Variants in ARMC8 observed in about 807,000 individuals in gnomAD.
ARMC8 encodes armadillo repeat containing 8, also known as armadillo repeat-containing protein 8.
In ARMC8, 20 loss-of-function variants were observed where a neutral mutation model predicts 99.3. The observed-to-expected ratio is 0.20, with a 90% CI of 0.14 to 0.29. The LOEUF is 0.29. Ranked by LOEUF, ARMC8 falls within the 10% of genes least tolerant of loss-of-function variation. ARMC8 has a pLI of 1.00. For missense variants in ARMC8, 569 were observed against 809.5 expected, an observed-to-expected ratio of 0.70 and a Z score of 3.60; for synonymous variants, 263 against 278.3, an observed-to-expected ratio of 0.95 and a Z score of 0.55.
intron 12 of ARMC8, among the ~76,000 whole-genome samples, chr3:138,251,013 C>G (rs572048671): frequency 3.3e-5 from 5 of 151,838 alleles, no homozygotes; most frequent in Admixed American, 2.0e-4. Flanking sequence ...TATCCAGGCC[C>G]GGTGGCATGC....
At chr3:138,262,828 T>A (rs1167808901) in intron 12 of ARMC8, among the ~76,000 whole-genome samples, 1 of 152,192 alleles carries the variant, frequency 6.6e-6, no homozygotes, top group African/African-American at 2.4e-5. Context: ...ACAAGAGGAC[T>A]ACCTTAACCA....
chr3:138,298,059 AATGTATTTATTG>A lies in ARMC8; in HGVS notation c.*2169_*2180del, dbSNP rs948988964. On this transcript the variant is annotated 3_prime_UTR_variant, in exon 22 of 22. Transcript: ENST00000469044. Reference sequence around the variant, plus strand: ...AACTTTTCTGATTTGAATGAAGGGAAATGTATTTATTGAAACAAAGCTGTTTGCTGCTTTATG... The same window carrying A: ...AACTTTTCTGATTTGAATGAAGGGAAAAACAAAGCTGTTTGCTGCTTTATG... The A allele has an allele frequency of 6.6e-6, 1 of 152,244 alleles. No individual in the cohort carries two copies. The highest frequency in any genetic ancestry group is 2.4e-5 in the African/African-American group (1 of 41,452). The allele number at this position is 152,244 out of a possible 1,614,324, so 9.4% of individuals were successfully genotyped here. A position where few individuals can be genotyped will look rare whatever the true frequency, so the allele number is the denominator to read the frequency against.
intron 6 of ARMC8, among the ~76,000 whole-genome samples, chr3:138,230,223 A>G (rs1002981772): frequency 6.6e-6 from 1 of 152,216 alleles, no homozygotes; most frequent in African/African-American, 2.4e-5. Flanking sequence ...TAAGAAAATG[A>G]CAGTTTTGTT....
chr3:138,222,714 T>G (rs984123498), intron 3 of ARMC8, among the ~76,000 whole-genome samples: 1 of 152,236 alleles, frequency 6.6e-6, no homozygotes, highest in Non-Finnish European at 1.5e-5. Flanking sequence ...ACTATAAAGC[T>G]GTCAGCAGCC....
Position 138,187,813 on chromosome 3 carries a change from C to T in ARMC8, c.45+214C>T, listed in dbSNP as rs544858901. On this transcript the variant is annotated intron_variant, in intron 1 of 21. Coordinates refer to ENST00000469044, the MANE Select transcript of ARMC8 (RefSeq NM_001363941.2). ...AAGACGTTTCCAACTCCGGGAGCTC[C>T]CGCCGGTGCGGGTTCCCAGGATGGC... The T allele has an allele frequency of 1.3e-4, 76 of 564,342 alleles. 1 individual carries two copies. The East Asian group carries it at 2.3e-3, about 17-fold the overall frequency. The allele number at this position is 564,342 out of a possible 1,614,324, so 35.0% of individuals were successfully genotyped here.
intron 2 of ARMC8, among the ~76,000 whole-genome samples, chr3:138,219,798 C>CAGTT (rs1192270924): frequency 2.0e-5 from 3 of 152,128 alleles, no homozygotes; most frequent in Non-Finnish European, 4.4e-5. Flanking sequence ...CTGTTGCCAT[C>CAGTT]AGTTACCTCC....
At chr3:138,189,623 G>T (rs555807247) in intron 1 of ARMC8, among the ~76,000 whole-genome samples, 30 of 152,336 alleles carry the variant, frequency 2.0e-4, no homozygotes, top group African/African-American at 7.0e-4. Context: ...GGAGCTCATA[G>T]TCTGGGTGAC....
intron 12 of ARMC8, among the ~76,000 whole-genome samples, chr3:138,255,445 G>T (rs963282339): frequency 2.0e-5 from 3 of 151,860 alleles, no homozygotes; most frequent in Non-Finnish European, 4.4e-5. Flanking sequence ...CTTGTGATCC[G>T]CCCGCCTTGG....
At chr3:138,250,764 T>C (rs75162683) in intron 12 of ARMC8, among the ~76,000 whole-genome samples, 1 of 152,324 alleles carries the variant, frequency 6.6e-6, no homozygotes, top group South Asian at 2.1e-4. Flanking sequence ...TTTGAACCAA[T>C]GTAATTTTTT....
Position 138,221,505 on chromosome 3 carries a change from TAAA to T in ARMC8, c.123-413_123-411del, listed in dbSNP as rs993544128. ...TTGTAAGAAATAATATATAAAGAAG[TAAA>T]AAAAAAAGTGAACAAAGTGTGATCA... On this transcript the variant is annotated intron_variant, in intron 2 of 21. Coordinates refer to ENST00000469044, the MANE Select transcript of ARMC8 (RefSeq NM_001363941.2). Among the ~76,000 whole-genome samples, 3 of 148,974 alleles carry T rather than the reference TAAA, an allele frequency of 2.0e-5. No homozygotes were observed. The Admixed American group carries it at 2.0e-4, about 10-fold the overall frequency.
chr3:138,295,802 T>G, intron 21 of ARMC8, 57 bp from the exon 22 acceptor site: 2 of 1,592,384 alleles, frequency 1.3e-6, no homozygotes, highest in East Asian at 2.2e-5. Context: ...AACCATAGGG[T>G]TTTTTACCCC....
At position 138,221,953 on chromosome 3, in the gene ARMC8, C is replaced by T; in HGVS notation, c.150C>T (p.Asn50=). The change falls in exon 3 of 22, where the codon AAC becomes AAT. Residue 50 remains asparagine, a synonymous_variant. Coordinates refer to ENST00000469044, the MANE Select transcript of ARMC8 (RefSeq NM_001363941.2). ...ACATGAAAAATGCTGTAATTGGAAA[C>T]AACAAGCAGAAAGCCAATCTCATTG... ...VIDMKNAVIG[N]NKQKANLIVL... is the part of the protein sequence containing the mutation. 1 of 1,613,524 alleles carries T rather than the reference C, an allele frequency of 6.2e-7. No homozygotes were observed. Among genetic ancestry groups the T allele is most frequent in the South Asian group, 1.1e-5 (1 of 91,064 alleles).
At position 138,241,962 on chromosome 3, in the gene ARMC8, T is replaced by C; in HGVS notation, c.1017T>C (p.Ser339=). Residue 339 remains serine (S), a synonymous_variant, in exon 11 of 22, where the codon AGT becomes AGC. Coordinates refer to ENST00000469044, the MANE Select transcript of ARMC8 (RefSeq NM_001363941.2). ...ATTTCAAGTATCCCAGCTCAGTGAG[T>C]GCCATCACTGATATTAAAAGGGTAT... is the stretch of plus-strand genomic sequence containing the variant. ...ADYFKYPSSV[S]AITDIKRLDH... The C allele has an allele frequency of 1.2e-6, 2 of 1,613,426 alleles. No individual in the cohort carries two copies. Among genetic ancestry groups the C allele is most frequent in the Non-Finnish European group, 1.7e-6 (2 of 1,179,440 alleles).
chr3:138,237,367 C>T lies in ARMC8; in HGVS notation c.668C>T (p.Ser223Leu), dbSNP rs2046384919. 1 of 1,613,626 alleles carries T rather than the reference C, an allele frequency of 6.2e-7. No homozygotes were observed. Among genetic ancestry groups the T allele is most frequent in the Non-Finnish European group, 8.5e-7 (1 of 1,179,782 alleles). ...SVLAFENPQV[S>L]MTLVNVLVDG... ...TTAGCTTTTGAAAACCCCCAGGTAT[C>T]GATGACCCTGGTAAATGGTAGGCTG... is the stretch of plus-strand genomic sequence containing the variant. Residue 223 changes from serine to leucine, a missense_variant, in exon 8 of 22, where the codon TCG becomes TTG. Physicochemically the swap from Ser to Leu is moderately radical, Grantham distance 145 (BLOSUM62 -2). Coordinates refer to ENST00000469044, the MANE Select transcript of ARMC8 (RefSeq NM_001363941.2).
chr3:138,258,660 C>T (rs1238622691), intron 12 of ARMC8, among the ~76,000 whole-genome samples: 1 of 152,218 alleles, frequency 6.6e-6, no homozygotes, highest in African/African-American at 2.4e-5. Flanking sequence ...AGATCCTTAT[C>T]CACTCCTGCA....
At chr3:138,253,734 A>G (rs903838658) in intron 12 of ARMC8, among the ~76,000 whole-genome samples, 18 of 152,340 alleles carry the variant, frequency 1.2e-4, no homozygotes, top group African/African-American at 3.6e-4. Context: ...ATGTATGCTC[A>G]GAATGAAGCA....
At chr3:138,229,733 A>T (rs1269423768) in intron 6 of ARMC8, among the ~76,000 whole-genome samples, 2 of 152,162 alleles carry the variant, frequency 1.3e-5, no homozygotes, top group Non-Finnish European at 2.9e-5. Flanking sequence ...TGTAGATTAT[A>T]TGTTGAATGT....
Position 138,187,618 on chromosome 3 carries a change from C to T in ARMC8, c.45+19C>T, listed in dbSNP as rs1014160072. ...CCTTTCGGTGAGTGACCCGCCGCGG[C>T]CGCCCGCCCGCCCTCCAGGAAGCCT... On this transcript the variant is annotated intron_variant, in intron 1 of 21. Transcript: ENST00000469044. The T allele has an allele frequency of 3.3e-6, 5 of 1,534,660 alleles. No individual in the cohort carries two copies. The highest frequency in any genetic ancestry group is 2.7e-5 in the African/African-American group (2 of 73,102).
At chr3:138,200,318 G>T (rs1187940795) in intron 1 of ARMC8, among the ~76,000 whole-genome samples, 3 of 136,556 alleles carry the variant, frequency 2.2e-5, no homozygotes. Context: ...GATATATGTT[G>T]TAATGTTTTT....
Sources: gnomAD v4.1 joint callset for allele counts (sites outside exome capture counted in the v4.1 genomes callset) on GRCh38, gnomAD v4.1.1 for gene constraint, MANE v1.5 for transcripts, NCBI Gene and HGNC (gene_info 2026-07-23, HGNC 2026-07-21) for gene names.